Variants in CACNA1B observed in about 807,000 individuals in gnomAD.
CACNA1B encodes the protein calcium voltage-gated channel subunit alpha1 B, also known as voltage-dependent N-type calcium channel subunit alpha-1B.
Under a neutral mutation model 247.2 loss-of-function variants are expected in CACNA1B, and 70 were observed. That is an observed-to-expected ratio of 0.28 (90% CI 0.23 to 0.35). The LOEUF (loss-of-function observed/expected upper bound fraction) is 0.35. Among genes scored for constraint, CACNA1B ranks in the 10% least tolerant of loss-of-function variants. CACNA1B has a pLI of 1.00. For missense variants in CACNA1B, 2,367 were observed against 3,197.4 expected, an observed-to-expected ratio of 0.74 and a Z score of 6.26; for synonymous variants, 1,231 against 1,294.4, an observed-to-expected ratio of 0.95 and a Z score of 1.05.
rs958380259 is a variant in CACNA1B, at chr9:137,971,325, G to C, written c.1334-58G>C. 2 of 1,292,988 alleles carry C rather than the reference G, an allele frequency of 1.5e-6. No individual in the cohort carries two copies. The highest frequency in any genetic ancestry group is 1.9e-5 in the Admixed American group (1 of 51,314). The allele number at this position is 1,292,988 out of a possible 1,614,324, so 80.1% of individuals were successfully genotyped here. Reference sequence around the variant, plus strand: ...AGAGTGCGTCTGTGGGGGTCCACAGGTGGGGTAGGCGGGTGCCCATTGGTC... The same window carrying C: ...AGAGTGCGTCTGTGGGGGTCCACAGCTGGGGTAGGCGGGTGCCCATTGGTC... On this transcript the variant is annotated intron_variant, in intron 10 of 46. Transcript: ENST00000371372. The surrounding 1 kb of genome is among the most constrained non-coding windows in gnomAD (Gnocchi z 4.4).
chr9:137,898,682 ATT>A (rs556081688), intron 3 of CACNA1B, among the ~76,000 whole-genome samples: 17 of 136,286 alleles, frequency 1.2e-4, no homozygotes, highest in Admixed American at 2.2e-4. Flanking sequence ...CTTAAAAAAA[ATT>A]TTTTTTTTTT....
chr9:137,938,652 A>T lies in CACNA1B; in HGVS notation c.967-13622A>T, dbSNP rs1484227096. On this transcript the variant is annotated intron_variant, in intron 6 of 46. Transcript: ENST00000371372. Reference sequence around the variant, plus strand: ...ACTTTAAAGCAACAACAGTTAAAAAAGACAAAGAGGGACATTATATAATGA... The same window carrying T: ...ACTTTAAAGCAACAACAGTTAAAAATGACAAAGAGGGACATTATATAATGA... Among the ~76,000 whole-genome samples, 76 of 152,368 alleles carry T rather than the reference A, an allele frequency of 5.0e-4. 2 individuals are homozygous for T. Among genetic ancestry groups the T allele is most frequent in the Non-Finnish European group, 5.9e-5 (4 of 68,024 alleles).
chr9:137,953,390 T>C (rs1228228949), intron 7 of CACNA1B, among the ~76,000 whole-genome samples: 1 of 152,164 alleles, frequency 6.6e-6, no homozygotes, highest in Non-Finnish European at 1.5e-5. Context: ...CTGGTGAACC[T>C]GGGAGTTCTG....
chr9:138,120,631 C>T lies in CACNA1B; in HGVS notation c.6239C>T (p.Ala2080Val). The T allele has an allele frequency of 6.7e-7, 1 of 1,496,348 alleles. No individual in the cohort carries two copies. The highest frequency in any genetic ancestry group is 1.3e-5 in the South Asian group (1 of 74,274). The allele number at this position is 1,496,348 out of a possible 1,614,324, so 92.7% of individuals were successfully genotyped here. ...GPSLSADMDGAPSSAVGPGLP... is the reference protein window; with the variant it reads ...GPSLSADMDGVPSSAVGPGLP... ...CTAACTTCTTCTCTTCCCTGGCCAG[C>T]ACCAAGCAGTGCTGTGGGGCCGGGG... The change falls in exon 46 of 47, where the codon GCA becomes GTA. Residue 2080 changes from alanine to valine, a missense_variant and splice_region_variant. Around this residue, in one of 12 missense-constraint regions of CACNA1B, gnomAD observed 773 missense variants for 779.4 expected, o/e 0.99. Transcript: ENST00000371372.
chr9:138,119,970 C>T (rs997087712), intron 44 of CACNA1B, among the ~76,000 whole-genome samples, 195 bp from the exon 45 acceptor site: 4 of 152,152 alleles, frequency 2.6e-5, no homozygotes, highest in South Asian at 2.1e-4. Flanking sequence ...TGGGATGGGG[C>T]GGGGACTCAG....
intron 36 of CACNA1B, among the ~76,000 whole-genome samples, chr9:138,086,311 C>T (rs1376336100): frequency 6.6e-6 from 1 of 151,054 alleles, no homozygotes; most frequent in African/African-American, 2.4e-5. Context: ...AAACAGAAAC[C>T]AAATTGAGCA....
At position 137,943,484 on chromosome 9, in the gene CACNA1B, A is replaced by G. The variant is rs551862997; in HGVS notation, c.967-8790A>G. Among the ~76,000 whole-genome samples the G allele has an allele frequency of 2.6e-5, 4 of 152,292 alleles. No individual in the cohort carries two copies. The South Asian group carries it at 8.3e-4, about 32-fold the overall frequency. ...CCCAAACTCGGGAAATAGTTCTTTG[A>G]AGAACCTTCACAACTTCATTGGCCT... On this transcript the variant is annotated intron_variant, in intron 6 of 46. Coordinates refer to ENST00000371372, the MANE Select transcript of CACNA1B (RefSeq NM_000718.4).
At chr9:138,098,098 A>G (rs1438866249) in intron 37 of CACNA1B, among the ~76,000 whole-genome samples, 1 of 152,172 alleles carries the variant, frequency 6.6e-6, no homozygotes, top group African/African-American at 2.4e-5. Flanking sequence ...GGAAATATAC[A>G]GTTTTTACGC....
At chr9:138,098,792 A>C (rs1961143960) in intron 37 of CACNA1B, among the ~76,000 whole-genome samples, 1 of 152,206 alleles carries the variant, frequency 6.6e-6, no homozygotes, top group Non-Finnish European at 1.5e-5. Context: ...CGCACAAAAT[A>C]ACACACAAAA....
At chr9:138,120,138 G>C (rs770935063) in intron 44 of CACNA1B, 27 bp from the exon 45 acceptor site, 1 of 1,565,714 alleles carries the variant, frequency 6.4e-7, no homozygotes, top group East Asian at 2.4e-5. Flanking sequence ...GCCTCCCCTA[G>C]GCCCACTCTC....
Position 138,023,562 on chromosome 9 carries a change from A to T in CACNA1B, c.2819A>T (p.His940Leu). The stretch of plus-strand genomic sequence containing the variant: ...CCCCGACGCCACCGCGCGCACCGGC[A>T]CCAGGATCCGAGCAAGGAGTGCGCC... ...REPRRHRAHRHQDPSKECAGA... is the reference protein window; with the variant it reads ...REPRRHRAHRLQDPSKECAGA... The change falls in exon 19 of 47, where the codon CAC becomes CTC. Residue 940 changes from histidine to leucine, a missense_variant. Physicochemically the swap from His to Leu is moderately conservative, Grantham distance 99. This residue lies in a region of CACNA1B where 631 missense variants were observed against 631.1 expected (regional missense o/e 1.00). Transcript: ENST00000371372. The T allele has an allele frequency of 9.2e-7, 1 of 1,090,172 alleles. No individual in the cohort carries two copies. The highest frequency in any genetic ancestry group is 1.1e-6 in the Non-Finnish European group (1 of 891,952). The allele number at this position is 1,090,172 out of a possible 1,614,324, so 67.5% of individuals were successfully genotyped here.
chr9:138,047,585 G>A lies in CACNA1B; in HGVS notation c.3603+127G>A, dbSNP rs558130358. The A allele has an allele frequency of 5.7e-4, 389 of 679,266 alleles. 1 individual carries two copies. Among genetic ancestry groups the A allele is most frequent in the East Asian group, 4.3e-3 (163 of 37,612 alleles). The allele number at this position is 679,266 out of a possible 1,614,324, so 42.1% of individuals were successfully genotyped here. A position where few individuals can be genotyped will look rare whatever the true frequency, so the allele number is the denominator to read the frequency against. On this transcript the variant is annotated intron_variant, in intron 23 of 46. Transcript: ENST00000371372. ...CTTAAGACATATGGTAGGTGTGTGC[G>A]TACTGGGTGTGTGCTCAGCACATGA...
rs1961230807 is a variant in CACNA1B, at chr9:138,100,966, G to T, written c.5223-1745G>T. On this transcript the variant is annotated intron_variant, in intron 37 of 46. Coordinates refer to ENST00000371372, the MANE Select transcript of CACNA1B (RefSeq NM_000718.4). This position sits in a 1 kb window ranked among gnomAD's most constrained non-coding sequence, Gnocchi z 4.6. ...CTCCAAGCCCCAGTACCCCGGCGAG[G>T]TGCCACCTGTCCAGTGCACCCCTCA... 1 of 408,830 alleles carries T rather than the reference G, an allele frequency of 2.4e-6. No homozygotes were observed. The highest frequency in any genetic ancestry group is 5.0e-6 in the Non-Finnish European group (1 of 198,098). The allele number at this position is 408,830 out of a possible 1,614,324, so 25.3% of individuals were successfully genotyped here.
At chr9:137,933,882 C>T (rs117874099) in intron 6 of CACNA1B, among the ~76,000 whole-genome samples, 212 of 151,966 alleles carry the variant, frequency 1.4e-3, no homozygotes, top group Non-Finnish European at 2.3e-3. Flanking sequence ...CTGTGGGTGA[C>T]CATTATGGAA....
chr9:137,968,188 T>G (rs750758737), intron 10 of CACNA1B, among the ~76,000 whole-genome samples: 2 of 152,200 alleles, frequency 1.3e-5, no homozygotes, highest in Non-Finnish European at 2.9e-5. Flanking sequence ...GCCTCCACTG[T>G]TGGTTCAGGG....
rs891609006 is a variant in CACNA1B at position 138,082,303 on chromosome 9, CAG to C, written c.5094+4048_5094+4049del. Reference sequence around the variant, plus strand: ...AAATCTTTAGCCAAATTAAATTTAACAGAGTTTAATTGAGCAAAGAATGATTC... The same window carrying C: ...AAATCTTTAGCCAAATTAAATTTAACAGTTTAATTGAGCAAAGAATGATTC... On this transcript the variant is annotated intron_variant, in intron 36 of 46. Transcript: ENST00000371372. Among the ~76,000 whole-genome samples, 32 of 151,412 alleles carry C rather than the reference CAG, an allele frequency of 2.1e-4. 2 individuals carry two copies. Among genetic ancestry groups the C allele is most frequent in the African/African-American group, 7.6e-4 (31 of 41,054 alleles).
Position 138,059,776 on chromosome 9 carries a change from T to C in CACNA1B, c.4668+39T>C, listed in dbSNP as rs1564265763. ...CTGTCCCTCCTTCAGGGTCCCCAGG[T>C]GGTTTCCTTCTAGAGCCTGCTCCCC... On this transcript the variant is annotated intron_variant, in intron 31 of 46. Transcript: ENST00000371372. This position sits in a 1 kb window ranked among gnomAD's most constrained non-coding sequence, Gnocchi z 4.2. 14 of 1,260,200 alleles carry C rather than the reference T, an allele frequency of 1.1e-5. No individual in the cohort carries two copies. Among genetic ancestry groups the C allele is most frequent in the Non-Finnish European group, 1.3e-5 (11 of 857,900 alleles). The allele number at this position is 1,260,200 out of a possible 1,614,324, so 78.1% of individuals were successfully genotyped here.
rs1554753634 is a variant in CACNA1B at position 138,057,766 on chromosome 9, G to A, written c.4003G>A (p.Glu1335Lys). ...QYLDYEKEEV[E>K]AQPRQWKKYD... ...TTTGGATTATGAGAAGGAGGAAGTGGAAGCTCAGCCCAGGCAGTGGAAGAA... is the reference window on the plus strand; with the variant it reads ...TTTGGATTATGAGAAGGAGGAAGTGAAAGCTCAGCCCAGGCAGTGGAAGAA... Residue 1335 changes from glutamate (E) to lysine (K), a missense_variant, in exon 27 of 47, where the codon GAA becomes AAA. This residue lies in a region of CACNA1B where 436 missense variants were observed against 679.5 expected (regional missense o/e 0.64). Coordinates refer to ENST00000371372, the MANE Select transcript of CACNA1B (RefSeq NM_000718.4). This position sits in a 1 kb window ranked among gnomAD's most constrained non-coding sequence, Gnocchi z 4.0. 1 of 1,612,736 alleles carries A rather than the reference G, an allele frequency of 6.2e-7. No individual in the cohort carries two copies. Among genetic ancestry groups the A allele is most frequent in the Non-Finnish European group, 8.5e-7 (1 of 1,179,258 alleles).
chr9:138,021,444 C>T (rs914806908), intron 18 of CACNA1B, among the ~76,000 whole-genome samples: 9 of 152,256 alleles, frequency 5.9e-5, no homozygotes, highest in Admixed American at 2.0e-4. Context: ...ATTTATTGTT[C>T]ACCTGCCTGG....
Sources: gnomAD v4.1 joint callset for allele counts (sites outside exome capture counted in the v4.1 genomes callset) on GRCh38, gnomAD v4.1.1 for gene constraint, gnomAD v4.1.1 regional missense constraint, Gnocchi (gnomAD v3.1) non-coding constraint, MANE v1.5 for transcripts, NCBI Gene and HGNC (gene_info 2026-07-23, HGNC 2026-07-21) for gene names.